Variants in TTC3 observed in about 807,000 individuals in gnomAD.
TTC3 encodes E3 ubiquitin-protein ligase TTC3.
Under a neutral mutation model 249.6 loss-of-function variants are expected in TTC3, and 180 were observed. The observed-to-expected ratio is 0.72, with a 90% CI of 0.64 to 0.82. The LOEUF (loss-of-function observed/expected upper bound fraction) is 0.82. TTC3 is among the 40% of genes least tolerant of loss of function. The pLI is 0.00. For synonymous variants in TTC3, 717 were observed against 805.0 expected, an observed-to-expected ratio of 0.89 and a Z score of 1.85; for missense variants, 2,061 against 2,398.4, an observed-to-expected ratio of 0.86 and a Z score of 2.94.
At chr21:37,164,085 G>T in exon 32 of TTC3, 1 of 1,611,954 alleles carries the variant, frequency 6.2e-7, no homozygotes. Flanking sequence ...CCCATTTGCA[G>T]TGCCTGACCA....
chr21:37,150,079 A>C, exon 24 of TTC3: 1 of 1,584,712 alleles, frequency 6.3e-7, no homozygotes, highest in South Asian at 1.1e-5. Context: ...ATCAAATAGG[A>C]TTTTCTACAA....
chr21:37,158,762 T>G (rs1192080290), intron 28 of TTC3, among the ~76,000 whole-genome samples: 3 of 152,190 alleles, frequency 2.0e-5, no homozygotes, highest in Non-Finnish European at 2.9e-5. Flanking sequence ...CAGGAAACTC[T>G]GTAATTAGTC....
At chr21:37,111,072 A>T (rs374038541) in intron 11 of TTC3, among the ~76,000 whole-genome samples, 1 of 152,330 alleles carries the variant, frequency 6.6e-6, no homozygotes, top group East Asian at 1.9e-4. Flanking sequence ...CATGGAAAGG[A>T]ACAACCGGTA....
intron 35 of TTC3, among the ~76,000 whole-genome samples, chr21:37,177,381 G>A (rs1315608954): frequency 6.6e-6 from 1 of 152,240 alleles, no homozygotes; most frequent in Non-Finnish European, 1.5e-5. Flanking sequence ...CCTCCTTAGC[G>A]AAGGGAACTG....
chr21:37,196,158 GA>G (rs1311781318), intron 42 of TTC3, 122 bp downstream of exon 42: 3 of 1,285,628 alleles, frequency 2.3e-6, no homozygotes, highest in Non-Finnish European at 3.2e-6. Flanking sequence ...GTTTTGCTCA[GA>G]AAGACAGTTG....
chr21:37,138,844 AT>A, intron 19 of TTC3, 130 bp downstream of exon 19: 1 of 540,098 alleles, frequency 1.9e-6, no homozygotes, highest in Non-Finnish European at 3.0e-6. Context: ...TCTCAGTTTA[AT>A]TTAGTTTGTG....
At chr21:37,098,618 T>C (rs1285865651) in intron 10 of TTC3, 1 of 152,234 alleles carries the variant, frequency 6.6e-6, no homozygotes, top group Non-Finnish European at 1.5e-5. Flanking sequence ...CCAATATATA[T>C]TGGATGCCTA....
chr21:37,159,398 G>A, intron 28 of TTC3: 1 of 277,118 alleles, frequency 3.6e-6, no homozygotes, highest in Non-Finnish European at 6.7e-6. Context: ...AGTAGAACAG[G>A]AGTTCATCAA....
At chr21:37,081,112 T>A (rs1357933081) in intron 1 of TTC3, among the ~76,000 whole-genome samples, 4 of 126,560 alleles carry the variant, frequency 3.2e-5, no homozygotes, top group Non-Finnish European at 5.1e-5. Flanking sequence ...TTTATGCCTT[T>A]TTTTTTTTTT....
chr21:37,140,534 T>C (rs1569029689), intron 19 of TTC3, 27 bp from the exon 20 acceptor site: 1 of 1,420,644 alleles, frequency 7.0e-7, no homozygotes, highest in Non-Finnish European at 9.5e-7. Context: ...TGTATGTAAG[T>C]GATCATTGTT....
At chr21:37,081,813 CTGT>C (rs1251033780) in intron 1 of TTC3, 4 of 151,524 alleles carry the variant, frequency 2.6e-5, no homozygotes, top group Non-Finnish European at 5.9e-5. Flanking sequence ...CTAATATCCT[CTGT>C]AACCCATCCT....
intron 11 of TTC3, among the ~76,000 whole-genome samples, chr21:37,114,349 ACAACCCCAT>A (rs948451393): frequency 6.6e-6 from 1 of 152,200 alleles, no homozygotes; most frequent in African/African-American, 2.4e-5. Context: ...CAAGAAAAAA[ACAACCCCAT>A]CAAAAAGTGG....
intron 10 of TTC3, among the ~76,000 whole-genome samples, chr21:37,105,680 A>C (rs181912375): frequency 3.9e-5 from 6 of 152,286 alleles, no homozygotes; most frequent in African/African-American, 1.4e-4. Context: ...CTCCTCCCCC[A>C]GGAGAACTAC....
intron 10 of TTC3, chr21:37,097,835 T>G: frequency 3.4e-6 from 2 of 581,810 alleles, no homozygotes; most frequent in East Asian, 3.0e-5. Context: ...TATGGGAGGG[T>G]GGGAGTGGGG....
Position 37,078,610 on chromosome 21 carries a change from T to C in TTC3, c.-12+5246T>C, listed in dbSNP as rs188200681. ...TATTGTTAGTAAATATTTTAACTTATTGTTAAATAGAAATTTAATGAATTT... is the reference window on the plus strand; with the variant it reads ...TATTGTTAGTAAATATTTTAACTTACTGTTAAATAGAAATTTAATGAATTT... On this transcript the variant is annotated intron_variant, in intron 1 of 45. Coordinates refer to ENST00000355666, the Ensembl canonical transcript of TTC3. 5.9e-5 allele frequency among the ~76,000 whole-genome samples: 9 copies of C among 152,028 alleles called. No individual in the cohort carries two copies. In the East Asian group the frequency reaches 1.7e-3, roughly 29 times the overall value.
chr21:37,186,670 G>A (rs893776495), intron 37 of TTC3, among the ~76,000 whole-genome samples: 1 of 152,090 alleles, frequency 6.6e-6, no homozygotes, highest in Non-Finnish European at 1.5e-5. Context: ...CAAGCGATCC[G>A]CCTGCCTTGG....
At chr21:37,148,903 T>C (rs1177586805) in intron 23 of TTC3, among the ~76,000 whole-genome samples, 1 of 152,062 alleles carries the variant, frequency 6.6e-6, no homozygotes, top group Non-Finnish European at 1.5e-5. Context: ...CGTAGCTCAC[T>C]GCAGCCTCAG....
Position 37,155,860 on chromosome 21 carries a change from T to C in TTC3, c.2741-795T>C, listed in dbSNP as rs563443217. Among the ~76,000 whole-genome samples the C allele has an allele frequency of 1.2e-3, 184 of 152,270 alleles. 1 individual carries two copies. The highest frequency in any genetic ancestry group is 6.8e-3 in the Middle Eastern group (2 of 294). On this transcript the variant is annotated intron_variant, in intron 27 of 45. Transcript: ENST00000355666. Reference sequence around the variant, plus strand: ...GACCCACATTTTGGGGAATAAGGAATGTTATTTTAGGTGTTGGGGAATGGG... The same window carrying C: ...GACCCACATTTTGGGGAATAAGGAACGTTATTTTAGGTGTTGGGGAATGGG...
At chr21:37,181,172 G>A (rs1379146910) in intron 35 of TTC3, among the ~76,000 whole-genome samples, 1 of 151,480 alleles carries the variant, frequency 6.6e-6, no homozygotes, top group Non-Finnish European at 1.5e-5. Flanking sequence ...ATGAACTCAT[G>A]TGGTATTTTC....
Sources: allele counts gnomAD v4.1 joint callset (sites outside exome capture counted in the v4.1 genomes callset), GRCh38; gene constraint gnomAD v4.1.1; transcripts MANE v1.5; gene names NCBI Gene and HGNC (gene_info 2026-07-23, HGNC 2026-07-21).